Variants in CLASRP observed in about 807,000 individuals in gnomAD.
The protein encoded by CLASRP is CLK4 associating serine/arginine rich protein, also known as CLK4-associating serine/arginine rich protein.
A neutral mutation model predicts 99.9 loss-of-function variants in CLASRP; 52 were observed. That is an observed-to-expected ratio of 0.52 (90% CI 0.42 to 0.66). The LOEUF (loss-of-function observed/expected upper bound fraction) is 0.66. CLASRP is among the 30% of genes least tolerant of loss of function. The pLI is 0.00. For synonymous variants in CLASRP, 379 were observed against 373.0 expected, an observed-to-expected ratio of 1.02 and a Z score of -0.18; for missense variants, 848 against 999.2, an observed-to-expected ratio of 0.85 and a Z score of 2.04.
intron 7 of CLASRP, 136 bp from the exon 8 acceptor site, chr19:45,059,132 A>C: frequency 1.4e-6 from 1 of 727,864 alleles, no homozygotes; most frequent in South Asian, 1.7e-5. Flanking sequence ...AAGATGAGCC[A>C]GACTTGATGC....
At chr19:45,052,984 G>A (rs1020879149) in intron 4 of CLASRP, 92 bp downstream of exon 4, 13 of 1,523,208 alleles carry the variant, frequency 8.5e-6, no homozygotes, top group South Asian at 2.3e-5. Context: ...CCTAGGAGCC[G>A]TTCCTATTTG....
intron 7 of CLASRP, chr19:45,058,232 A>G (rs773144918): frequency 1.5e-5 from 5 of 323,430 alleles, no homozygotes; most frequent in Non-Finnish European, 2.4e-5. Context: ...ACAAGTGTTC[A>G]TCCTCTTACA....
chr19:45,054,191 CTG>C (rs1478068076), intron 5 of CLASRP, among the ~76,000 whole-genome samples: 2 of 152,184 alleles, frequency 1.3e-5, no homozygotes, highest in East Asian at 3.8e-4. Flanking sequence ...GCTTTTTTGT[CTG>C]TATTATCATT....
intron 16 of CLASRP, among the ~76,000 whole-genome samples, 177 bp downstream of exon 16, chr19:45,068,657 C>A (rs1021160395): frequency 2.6e-5 from 4 of 152,126 alleles, no homozygotes; most frequent in Non-Finnish European, 5.9e-5. Context: ...TATGCTGGGG[C>A]CTCTGCAGTC....
chr19:45,052,219 C>G (rs377525602), intron 3 of CLASRP, 51 bp downstream of exon 3: 106 of 1,500,012 alleles, frequency 7.1e-5, no homozygotes, highest in Non-Finnish European at 9.4e-5. Context: ...GGAGTCAAAA[C>G]GGACCTGGGG....
rs1967192760 is a variant in CLASRP at position 45,069,847 on chromosome 19, C to T, written c.1875-175C>T. On this transcript the variant is annotated intron_variant, in intron 18 of 20. Coordinates refer to ENST00000221455, the MANE Select transcript of CLASRP (RefSeq NM_007056.3). ...GGAAGGGGCTGGGATTCCAGTCAGC[C>T]CCGCCAGCTGGGGTCCCTCTGAACC... 6.9e-6 allele frequency: 4 copies of T among 580,834 alleles called. No individual in the cohort carries two copies. In the East Asian group the frequency reaches 1.2e-4, roughly 17 times the overall value. 36.0% of individuals were successfully genotyped at this position (580,834 alleles called of 1,614,324 possible). A position where few individuals can be genotyped will look rare whatever the true frequency, so the allele number is the denominator to read the frequency against.
Position 45,059,342 on chromosome 19 carries a change from A to G in CLASRP, c.688A>G (p.Met230Val). The change falls in exon 8 of 21, where the codon ATG becomes GTG. Residue 230 changes from methionine (M) to valine (V), a missense_variant. This residue lies in a region of CLASRP where 119 missense variants were observed against 170.2 expected (regional missense o/e 0.70). Coordinates refer to ENST00000221455, the MANE Select transcript of CLASRP (RefSeq NM_007056.3). ...DLNKQATTYG[M>V]ADGDFVRMLR... Reference sequence around the variant, plus strand: ...CAACAAACAGGCCACGACTTATGGCATGGCCGACGGTGACTTCGTCAGGTG... The same window carrying G: ...CAACAAACAGGCCACGACTTATGGCGTGGCCGACGGTGACTTCGTCAGGTG... 6.3e-7 allele frequency: 1 copy of G among 1,598,098 alleles called. No individual in the cohort carries two copies. Among genetic ancestry groups the G allele is most frequent in the Non-Finnish European group, 8.5e-7 (1 of 1,171,930 alleles).
chr19:45,049,896 A>G (rs914379659), intron 2 of CLASRP, among the ~76,000 whole-genome samples: 6 of 152,192 alleles, frequency 3.9e-5, no homozygotes, highest in Non-Finnish European at 8.8e-5. Flanking sequence ...CTCAAAAGAA[A>G]ACAAGTGGAG....
Position 45,067,987 on chromosome 19 carries a change from C to T in CLASRP, c.1668-28C>T. 6.3e-7 allele frequency: 1 copy of T among 1,586,120 alleles called. No homozygotes were observed. The highest frequency in any genetic ancestry group is 1.1e-5 in the South Asian group (1 of 90,540). On this transcript the variant is annotated intron_variant, in intron 14 of 20. Coordinates refer to ENST00000221455, the MANE Select transcript of CLASRP (RefSeq NM_007056.3). This position sits in a 1 kb window ranked among gnomAD's most constrained non-coding sequence, Gnocchi z 4.9. ...GCAGCTGCCCTTTCCCCCTCCCAACCATGTCCTCTGGCCCTGCCCCCACCC... is the reference window on the plus strand; with the variant it reads ...GCAGCTGCCCTTTCCCCCTCCCAACTATGTCCTCTGGCCCTGCCCCCACCC...
chr19:45,046,909 TC>T (rs1297654363), intron 2 of CLASRP, among the ~76,000 whole-genome samples: 1 of 152,082 alleles, frequency 6.6e-6, no homozygotes, highest in Non-Finnish European at 1.5e-5. Context: ...TGCCTGCAGT[TC>T]CAGCTACCTG....
chr19:45,054,852 A>G (rs1394568340), intron 5 of CLASRP, among the ~76,000 whole-genome samples: 1 of 152,168 alleles, frequency 6.6e-6, no homozygotes, highest in Non-Finnish European at 1.5e-5. Flanking sequence ...ATAAAACCCC[A>G]GCACCGAGCC....
At chr19:45,062,440 C>A (rs781324124) in intron 11 of CLASRP, among the ~76,000 whole-genome samples, 34 of 152,322 alleles carry the variant, frequency 2.2e-4, no homozygotes, top group Middle Eastern at 6.8e-3. Context: ...TGCAGTGGCA[C>A]GATCTTGGCT....
intron 15 of CLASRP, 109 bp from the exon 16 acceptor site, chr19:45,068,311 T>TGCCCCCCCCC: frequency 1.8e-6 from 1 of 543,612 alleles, no homozygotes; most frequent in Non-Finnish European, 3.3e-6. Context: ...CACGTCGTTC[T>TGCCCCCCCCC]CCCCCCCCCA....
intron 3 of CLASRP, among the ~76,000 whole-genome samples, chr19:45,052,475 G>A (rs546267642): frequency 3.3e-5 from 5 of 152,092 alleles, no homozygotes; most frequent in South Asian, 2.1e-4. Context: ...GGTGCCTGGG[G>A]CCCGCCCCTC....
chr19:45,069,393 C>A, intron 18 of CLASRP, 145 bp downstream of exon 18: 1 of 803,482 alleles, frequency 1.2e-6, no homozygotes, highest in South Asian at 1.6e-5. Flanking sequence ...GGGCTGTGCC[C>A]AGCTGCCTCT....
intron 5 of CLASRP, among the ~76,000 whole-genome samples, chr19:45,053,826 T>G (rs993061266): frequency 1.3e-5 from 2 of 152,144 alleles, no homozygotes; most frequent in East Asian, 3.9e-4. Flanking sequence ...CTCACTGTGT[T>G]GTCCAGGCTG....
intron 19 of CLASRP, 21 bp from the exon 20 acceptor site, chr19:45,070,516 C>T (rs1287740629): frequency 6.2e-7 from 1 of 1,613,296 alleles, no homozygotes; most frequent in Non-Finnish European, 8.5e-7. Context: ...GCTCGCTCTT[C>T]ACCTGTTGTT....
intron 2 of CLASRP, among the ~76,000 whole-genome samples, chr19:45,051,352 TG>T (rs1804110616): frequency 6.6e-6 from 1 of 152,008 alleles, no homozygotes; most frequent in South Asian, 2.1e-4. Context: ...CTTGCTCTGT[TG>T]CCCAGGCTAG....
chr19:45,048,293 T>G (rs1971958387), intron 2 of CLASRP, among the ~76,000 whole-genome samples: 1 of 149,598 alleles, frequency 6.7e-6, no homozygotes, highest in Non-Finnish European at 1.5e-5. Context: ...TCCCAGCACT[T>G]TGGGAGGCCG....
Sources: allele counts gnomAD v4.1 joint callset (sites outside exome capture counted in the v4.1 genomes callset), GRCh38; gene constraint gnomAD v4.1.1; regional missense constraint gnomAD v4.1.1; non-coding constraint Gnocchi (gnomAD v3.1); transcripts MANE v1.5; gene names NCBI Gene and HGNC (gene_info 2026-07-23, HGNC 2026-07-21).